The following ABCF1 variants were observed in gnomAD, a reference collection of about 807,000 sequenced individuals.
ABCF1 encodes the protein ATP binding cassette subfamily F member 1.
In ABCF1, 73 loss-of-function variants were observed where a neutral mutation model predicts 126.3. The ratio of observed to expected loss-of-function variants is 0.58; its 90% CI spans 0.48 to 0.70. ABCF1 has a LOEUF of 0.70. ABCF1 is among the 30% of genes least tolerant of loss of function. ABCF1 has a pLI of 0.00. For synonymous variants in ABCF1, 345 were observed against 396.4 expected, an observed-to-expected ratio of 0.87 and a Z score of 1.54; for missense variants, 786 against 1,057.5, an observed-to-expected ratio of 0.74 and a Z score of 3.56.
rs758150033 is a variant in ABCF1 at position 30,590,153 on chromosome 6, T to C, written c.2238T>C (p.Gly746=). 9 of 1,613,022 alleles carry C rather than the reference T, an allele frequency of 5.6e-6. No individual in the cohort carries two copies. The highest frequency in any genetic ancestry group is 1.3e-5 in the African/African-American group (1 of 74,998). The change falls in exon 23 of 25, where the codon GGT becomes GGC. Residue 746 remains glycine (G), a synonymous_variant. Transcript: ENST00000326195. ...CCTCCCCTTCCTTTGCTACAGGTGG[T>C]CAGAAGGCGCGAGTTGTGTTTGCTG... is the stretch of plus-strand genomic sequence containing the variant. ...HTIQICKLSG[G]QKARVVFAEL...
In ABCF1 at chr6:30,590,802, C is replaced by G. The variant is rs1027732496; in HGVS notation, c.*101C>G. 4 of 1,351,264 alleles carry G rather than the reference C, an allele frequency of 3.0e-6. No homozygotes were observed. In the African/African-American group the frequency reaches 5.9e-5, roughly 20 times the overall value. The allele number at this position is 1,351,264 out of a possible 1,614,324, so 83.7% of individuals were successfully genotyped here. A position where few individuals can be genotyped will look rare whatever the true frequency, so the allele number is the denominator to read the frequency against. On this transcript the variant is annotated 3_prime_UTR_variant, in exon 25 of 25. Transcript: ENST00000326195. ...AGACTGCCTCTGGCCTGCAGCTGAC[C>G]TGGCAACCATTCAGGCACATGAAGG... is the stretch of plus-strand genomic sequence containing the variant.
chr6:30,573,929 G>T (rs529960118), intron 1 of ABCF1, among the ~76,000 whole-genome samples: 1 of 152,266 alleles, frequency 6.6e-6, no homozygotes, highest in Admixed American at 6.5e-5. Context: ...GGGGAGAGGG[G>T]TATAAGGGTA....
rs989107201 is a variant in ABCF1, at chr6:30,588,507, G to A, written c.2032-1181G>A. Among the ~76,000 whole-genome samples the A allele has an allele frequency of 2.0e-5, 3 of 152,016 alleles. No homozygotes were observed. In the East Asian group the frequency reaches 5.8e-4, roughly 30 times the overall value. ...CTCCCGAGTAGCTGGGACAACAGGCGCGTGCTACCACGCCCAGCTAATTTT... is the reference window on the plus strand; with the variant it reads ...CTCCCGAGTAGCTGGGACAACAGGCACGTGCTACCACGCCCAGCTAATTTT... On this transcript the variant is annotated intron_variant, in intron 20 of 24. Coordinates refer to ENST00000326195, the MANE Select transcript of ABCF1 (RefSeq NM_001025091.2).
At chr6:30,588,096 T>TG (rs1211978978) in intron 20 of ABCF1, among the ~76,000 whole-genome samples, 1 of 151,892 alleles carries the variant, frequency 6.6e-6, no homozygotes, top group Non-Finnish European at 1.5e-5. Context: ...AGAGACAGGG[T>TG]TTCACCATGT....
rs761391806 is a variant in ABCF1 at position 30,578,060 on chromosome 6, C to G, written c.217-16C>G. 6.2e-7 allele frequency: 1 copy of G among 1,613,716 alleles called. No individual in the cohort carries two copies. Among genetic ancestry groups the G allele is most frequent in the Non-Finnish European group, 8.5e-7 (1 of 1,179,960 alleles). ...GCCTGGGCTTCATTTTCTCACTGTTCTTTTGCTCTCAGCAGCAAAAAAAAA... is the reference window on the plus strand; with the variant it reads ...GCCTGGGCTTCATTTTCTCACTGTTGTTTTGCTCTCAGCAGCAAAAAAAAA... On this transcript the variant is annotated splice_polypyrimidine_tract_variant and intron_variant, in intron 3 of 24. Transcript: ENST00000326195.
rs371541152 is a variant in ABCF1 at position 30,582,360 on chromosome 6, G to A, written c.679-34G>A. 6.3e-4 allele frequency: 902 copies of A among 1,424,996 alleles called. 2 individuals are homozygous for A. Among genetic ancestry groups the A allele is most frequent in the Non-Finnish European group, 4.7e-4 (478 of 1,021,954 alleles). The allele number at this position is 1,424,996 out of a possible 1,614,324, so 88.3% of individuals were successfully genotyped here. On this transcript the variant is annotated intron_variant, in intron 8 of 24. Coordinates refer to ENST00000326195, the MANE Select transcript of ABCF1 (RefSeq NM_001025091.2). ...CGTGAGCCACCGCGCCCAGCCAGGA[G>A]TCCCTAGTTTTGACCATCCCCGGGT...
In ABCF1 at chr6:30,586,669, G is replaced by A. The variant is rs535904107; in HGVS notation, c.1989G>A (p.Gly663=). ...RICIVGPNGV[G]KSTLLLLLTG... ...GCATTGTGGGCCCTAATGGTGTGGG[G>A]AAGAGTACGCTACTCCTGCTGCTGA... Residue 663 remains glycine, a synonymous_variant, in exon 20 of 25, where the codon GGG becomes GGA. Transcript: ENST00000326195. The surrounding 1 kb of genome is among the most constrained non-coding windows in gnomAD (Gnocchi z 4.9). 12 of 1,613,834 alleles carry A rather than the reference G, an allele frequency of 7.4e-6. No homozygotes were observed. The East Asian group carries it at 2.2e-4, about 30-fold the overall frequency.
In ABCF1 at chr6:30,578,794, G is replaced by A. The variant is rs566767564; in HGVS notation, c.489+217G>A. On this transcript the variant is annotated intron_variant, in intron 6 of 24. Transcript: ENST00000326195. ...AGGTGGGCGAATCACGAGGTCAAGAGATCGAGACCAGCCTGACCAACATGG... is the reference window on the plus strand; with the variant it reads ...AGGTGGGCGAATCACGAGGTCAAGAAATCGAGACCAGCCTGACCAACATGG... Among the ~76,000 whole-genome samples, 92 of 152,280 alleles carry A rather than the reference G, an allele frequency of 6.0e-4. 2 individuals are homozygous for A. Among genetic ancestry groups the A allele is most frequent in the Non-Finnish European group, 9.4e-4 (64 of 68,020 alleles).
Position 30,583,277 on chromosome 6 carries a change from G to A in ABCF1, c.915+89G>A, listed in dbSNP as rs973807536. 36 of 1,495,700 alleles carry A rather than the reference G, an allele frequency of 2.4e-5. No individual in the cohort carries two copies. The highest frequency in any genetic ancestry group is 3.2e-5 in the Non-Finnish European group (36 of 1,107,830). The allele number at this position is 1,495,700 out of a possible 1,614,324, so 92.7% of individuals were successfully genotyped here. A position where few individuals can be genotyped will look rare whatever the true frequency, so the allele number is the denominator to read the frequency against. Reference sequence around the variant, plus strand: ...CCTGAGTGGCTGTGGTGTGTGAATGGGTTAGTTCAGTGGGAAGAAAGATTG... The same window carrying A: ...CCTGAGTGGCTGTGGTGTGTGAATGAGTTAGTTCAGTGGGAAGAAAGATTG... On this transcript the variant is annotated intron_variant, in intron 10 of 24. Transcript: ENST00000326195. The surrounding 1 kb of genome is among the most constrained non-coding windows in gnomAD (Gnocchi z 4.1).
Position 30,574,839 on chromosome 6 carries a change from A to G in ABCF1, c.74-2570A>G, listed in dbSNP as rs1194008196. Among the ~76,000 whole-genome samples the G allele has an allele frequency of 1.3e-5, 2 of 152,144 alleles. No homozygotes were observed. The highest frequency in any genetic ancestry group is 2.4e-5 in the African/African-American group (1 of 41,438). Reference sequence around the variant, plus strand: ...CCTGGGACTTCATAAAGGAACAGAAAGAAGCCAGTATCGAGACCAGAGGTG... The same window carrying G: ...CCTGGGACTTCATAAAGGAACAGAAGGAAGCCAGTATCGAGACCAGAGGTG... On this transcript the variant is annotated intron_variant, in intron 1 of 24. Coordinates refer to ENST00000326195, the MANE Select transcript of ABCF1 (RefSeq NM_001025091.2). This position sits in a 1 kb window ranked among gnomAD's most constrained non-coding sequence, Gnocchi z 4.3.
rs750880810 is a variant in ABCF1 at position 30,578,132 on chromosome 6, TGGA to T, written c.275_277del (p.Gly92del). The T allele has an allele frequency of 1.9e-6, 3 of 1,613,492 alleles. No individual in the cohort carries two copies. Among genetic ancestry groups the T allele is most frequent in the East Asian group, 2.2e-5 (1 of 44,862 alleles). On this transcript the variant is annotated inframe_deletion, in exon 4 of 25. Transcript: ENST00000326195. ...GGCGGAAGAAGGATGTGGATGATGA[TGGA>T]GAAGAGAAAGAGCTCATGGAGCGTC...
At position 30,578,344 on chromosome 6, in the gene ABCF1, T is replaced by G; in HGVS notation, c.344-4T>G. On this transcript the variant is annotated splice_region_variant and splice_polypyrimidine_tract_variant and intron_variant, in intron 4 of 24. Coordinates refer to ENST00000326195, the MANE Select transcript of ABCF1 (RefSeq NM_001025091.2). ...TATCTCATGTTCTCCCCCTGTCATT[T>G]CAGTACCCGCCCCAAAACCCCGCGG... 1 of 1,614,082 alleles carries G rather than the reference T, an allele frequency of 6.2e-7. No individual in the cohort carries two copies. Among genetic ancestry groups the G allele is most frequent in the South Asian group, 1.1e-5 (1 of 91,082 alleles).
chr6:30,577,833 G>A lies in ABCF1; in HGVS notation c.136G>A (p.Ala46Thr). The stretch of plus-strand genomic sequence containing the variant: ...CCCTTTATAGTTCTTTGAAGAGCTG[G>A]CAGTAGAAGATAAACAGGCTGGGGA... Reference protein sequence around the residue: ...KIKKTFFEELAVEDKQAGEEE... With the variant: ...KIKKTFFEELTVEDKQAGEEE... Residue 46 changes from alanine to threonine, a missense_variant, in exon 3 of 25, where the codon GCA becomes ACA. By Grantham distance (58) the Ala-to-Thr change is moderately conservative. This residue lies in a region of ABCF1 where 322 missense variants were observed against 322.9 expected (regional missense o/e 1.00). Transcript: ENST00000326195. 6.2e-7 allele frequency: 1 copy of A among 1,613,836 alleles called. No individual in the cohort carries two copies. Among genetic ancestry groups the A allele is most frequent in the Non-Finnish European group, 8.5e-7 (1 of 1,180,020 alleles).
chr6:30,577,749 G>A lies in ABCF1; in HGVS notation c.121-69G>A, dbSNP rs561953677. On this transcript the variant is annotated intron_variant, in intron 2 of 24. Coordinates refer to ENST00000326195, the MANE Select transcript of ABCF1 (RefSeq NM_001025091.2). ...GAGTGGAGGGCCAGTGGGCCAATGT[G>A]TGGCAGAGCACAGCCTGCTTGGATT... 1.5e-4 allele frequency: 218 copies of A among 1,479,068 alleles called. 1 individual carries two copies. In the South Asian group the frequency reaches 2.1e-3, roughly 14 times the overall value. The allele number at this position is 1,479,068 out of a possible 1,614,324, so 91.6% of individuals were successfully genotyped here.
chr6:30,576,276 CTTTTTTTTTTTTTTTT>C lies in ABCF1; in HGVS notation c.74-1119_74-1104del, dbSNP rs9256927. Among the ~76,000 whole-genome samples, 8 of 44,160 alleles carry C rather than the reference CTTTTTTTTTTTTTTTT, an allele frequency of 1.8e-4. No individual in the cohort carries two copies. In the South Asian group the frequency reaches 4.0e-3, roughly 22 times the overall value. 29.0% of individuals were successfully genotyped at this position (44,160 alleles called of 152,430 possible). On this transcript the variant is annotated intron_variant, in intron 1 of 24. Transcript: ENST00000326195. ...AACACAGGAGTCATCTCTGAGTGCT[CTTTTTTTTTTTTTTTT>C]TTTTTTTTTTTTTGAGATAGAGTCT...
chr6:30,573,265 A>C (rs1466384663), intron 1 of ABCF1, among the ~76,000 whole-genome samples: 1 of 152,260 alleles, frequency 6.6e-6, no homozygotes, highest in Non-Finnish European at 1.5e-5. Context: ...TTGACACTTA[A>C]GTAACCCAGT....
intron 7 of ABCF1, 35 bp downstream of exon 7, chr6:30,580,040 C>A (rs1199158103): frequency 6.2e-7 from 1 of 1,602,764 alleles, no homozygotes; most frequent in Non-Finnish European, 8.5e-7. Flanking sequence ...GGTATTGGGG[C>A]CCAGGAATTA....
At chr6:30,580,035 TG>T in intron 7 of ABCF1, 30 bp downstream of exon 7, 1 of 1,605,830 alleles carries the variant, frequency 6.2e-7, no homozygotes, top group Non-Finnish European at 8.5e-7. Context: ...GAGGAGGTAT[TG>T]GGGCCCAGGA....
In ABCF1 at chr6:30,583,770, G is replaced by A. The variant is rs757846878; in HGVS notation, c.1017-35G>A. On this transcript the variant is annotated intron_variant, in intron 11 of 24. Transcript: ENST00000326195. The surrounding 1 kb of genome is among the most constrained non-coding windows in gnomAD (Gnocchi z 4.1). ...TGGAGGGAAAAGAAGAGATTTCTCA[G>A]TGGTGGCCAGGTCCTAATAGCTTTT... 3.1e-6 allele frequency: 5 copies of A among 1,613,816 alleles called. No individual in the cohort carries two copies. In the Admixed American group the frequency reaches 5.0e-5, roughly 16 times the overall value.
Sources: gnomAD v4.1 joint callset for allele counts (sites outside exome capture counted in the v4.1 genomes callset) on GRCh38, gnomAD v4.1.1 for gene constraint, gnomAD v4.1.1 regional missense constraint, Gnocchi (gnomAD v3.1) non-coding constraint, MANE v1.5 for transcripts, NCBI Gene and HGNC (gene_info 2026-07-23, HGNC 2026-07-21) for gene names.